LSAMP: variants seen among roughly 807,000 people sequenced by gnomAD.
LSAMP encodes the protein limbic system-associated membrane protein.
Under a neutral mutation model 38.6 loss-of-function variants are expected in LSAMP, and 7 were observed. The observed-to-expected ratio is 0.18, with a 90% CI of 0.10 to 0.34. LSAMP has a LOEUF of 0.34. Among genes scored for constraint, LSAMP ranks in the 10% least tolerant of loss-of-function variants. The pLI, the probability that LSAMP is intolerant of heterozygous loss-of-function variation, is 1.00. For synonymous variants in LSAMP, 154 were observed against 166.8 expected (o/e 0.92, Z 0.59); for missense variants, 313 against 420.0 (o/e 0.75, Z 2.23).
intron 1 of LSAMP, among the ~76,000 whole-genome samples, chr3:116,302,397 T>C (rs1456285440): frequency 6.6e-6 from 1 of 152,188 alleles, no homozygotes; most frequent in Non-Finnish European, 1.5e-5. Flanking sequence ...CATAAATTGT[T>C]GTTTTTCCAA....
intron 1 of LSAMP, among the ~76,000 whole-genome samples, chr3:116,391,080 T>G (rs2048687879): frequency 6.6e-6 from 1 of 152,232 alleles, no homozygotes; most frequent in Non-Finnish European, 1.5e-5. Flanking sequence ...AGCAGGATTT[T>G]GCATCATATT....
At chr3:115,827,051 C>A (rs1024641245) in intron 6 of LSAMP, among the ~76,000 whole-genome samples, 1 of 147,392 alleles carries the variant, frequency 6.8e-6, no homozygotes, top group Admixed American at 6.9e-5. Flanking sequence ...AAAAATAAAA[C>A]AAATTTCCCA....
At chr3:116,257,136 T>C (rs1459286890) in intron 1 of LSAMP, among the ~76,000 whole-genome samples, 1 of 152,180 alleles carries the variant, frequency 6.6e-6, no homozygotes, top group East Asian at 1.9e-4. Context: ...AGGATGCCCT[T>C]CAGCCTTAGA....
Position 115,902,805 on chromosome 3 carries a change from C to G in LSAMP, c.515-50188G>C, listed in dbSNP as rs150586025. On this transcript the variant is annotated intron_variant, in intron 3 of 6. Coordinates refer to ENST00000490035, the MANE Select transcript of LSAMP (RefSeq NM_002338.5). ...AACCACAATGAGATACCACTTCACACCAGTCAGAATGGCTATCATTAAAAA... is the reference window on the plus strand; with the variant it reads ...AACCACAATGAGATACCACTTCACAGCAGTCAGAATGGCTATCATTAAAAA... 8.3e-3 allele frequency among the ~76,000 whole-genome samples: 1,270 copies of G among 152,210 alleles called. 8 individuals are homozygous for G. The highest frequency in any genetic ancestry group is 0.011 in the Admixed American group (175 of 15,278).
At chr3:116,262,702 G>A (rs931365691) in intron 1 of LSAMP, among the ~76,000 whole-genome samples, 4 of 152,176 alleles carry the variant, frequency 2.6e-5, no homozygotes, top group African/African-American at 9.7e-5. Flanking sequence ...TAAATTTCAG[G>A]TCATAAATCA....
intron 1 of LSAMP, among the ~76,000 whole-genome samples, chr3:116,125,396 T>C (rs1240862587): frequency 6.6e-6 from 1 of 151,748 alleles, no homozygotes; most frequent in Non-Finnish European, 1.5e-5. Context: ...TCATTGTTTT[T>C]TTTTTCAGTG....
chr3:116,192,572 A>G (rs1239706807), intron 1 of LSAMP, among the ~76,000 whole-genome samples: 1 of 152,200 alleles, frequency 6.6e-6, no homozygotes, highest in Non-Finnish European at 1.5e-5. Flanking sequence ...ATGAGATTAG[A>G]GAGAATAAGT....
intron 2 of LSAMP, chr3:116,051,191 G>A (rs1473516780): frequency 6.6e-6 from 1 of 152,182 alleles, no homozygotes; most frequent in Admixed American, 6.5e-5. Context: ...ATCAAGGCCG[G>A]CCCAGGAGCA....
chr3:116,089,072 G>A (rs919016130), intron 1 of LSAMP, among the ~76,000 whole-genome samples: 1 of 152,120 alleles, frequency 6.6e-6, no homozygotes, highest in African/African-American at 2.4e-5. Context: ...TGACATTTTA[G>A]CAAATTTCAT....
chr3:116,037,487 A>G (rs1005890090), intron 2 of LSAMP, among the ~76,000 whole-genome samples: 2 of 152,146 alleles, frequency 1.3e-5, no homozygotes, highest in Non-Finnish European at 2.9e-5. Flanking sequence ...CCTTCATGCT[A>G]CAAAATCTCT....
chr3:116,341,459 C>T lies in LSAMP; in HGVS notation c.155+103418G>A, dbSNP rs754968773. Among the ~76,000 whole-genome samples, 146 of 151,896 alleles carry T rather than the reference C, an allele frequency of 9.6e-4. 1 individual carries two copies. Among genetic ancestry groups the T allele is most frequent in the Non-Finnish European group, 1.7e-3 (114 of 67,912 alleles). The stretch of plus-strand genomic sequence containing the variant: ...GATAAGTGAAGATGTATGGCAGGCA[C>T]CTTTGAGGCTCCTCAGATGTCATAT... On this transcript the variant is annotated intron_variant, in intron 1 of 6. Transcript: ENST00000490035.
At chr3:116,169,493 A>G (rs1009441158) in intron 1 of LSAMP, among the ~76,000 whole-genome samples, 5 of 152,134 alleles carry the variant, frequency 3.3e-5, no homozygotes, top group African/African-American at 1.2e-4. Flanking sequence ...TCCCATTCAC[A>G]TTCTTCTTCC....
chr3:115,972,111 T>C (rs1168098905), intron 3 of LSAMP, among the ~76,000 whole-genome samples: 1 of 152,084 alleles, frequency 6.6e-6, no homozygotes, highest in Non-Finnish European at 1.5e-5. Context: ...AGACATCTCC[T>C]TCCATGAACA....
rs766934724 is a variant in LSAMP at position 116,009,616 on chromosome 3, G to A, written c.514+9899C>T. ...GATCAGCCAAATTTGTAAATCCAGC[G>A]GCCATCTAATATTGGCCACAAAAGT... On this transcript the variant is annotated intron_variant, in intron 3 of 6. Coordinates refer to ENST00000490035, the MANE Select transcript of LSAMP (RefSeq NM_002338.5). Among the ~76,000 whole-genome samples, 4 of 152,088 alleles carry A rather than the reference G, an allele frequency of 2.6e-5. No homozygotes were observed. The South Asian group carries it at 6.2e-4, about 24-fold the overall frequency.
intron 1 of LSAMP, among the ~76,000 whole-genome samples, chr3:116,302,859 T>A (rs1412087531): frequency 6.6e-6 from 1 of 152,192 alleles, no homozygotes; most frequent in Non-Finnish European, 1.5e-5. Context: ...GATCTCCCAA[T>A]GATTCCATTA....
chr3:116,234,928 T>C (rs2046446834), intron 1 of LSAMP, among the ~76,000 whole-genome samples: 4 of 152,170 alleles, frequency 2.6e-5, no homozygotes, highest in Admixed American at 2.6e-4. Flanking sequence ...TGATAGCTCA[T>C]ATAAAGATAC....
chr3:115,978,439 A>C (rs1452963720), intron 3 of LSAMP, among the ~76,000 whole-genome samples: 2 of 152,102 alleles, frequency 1.3e-5, no homozygotes, highest in East Asian at 3.9e-4. Context: ...ATTCTAATCC[A>C]GTACTCTTCC....
chr3:115,814,398 G>T (rs1469982330), intron 6 of LSAMP, among the ~76,000 whole-genome samples: 3 of 152,126 alleles, frequency 2.0e-5, no homozygotes, highest in Non-Finnish European at 4.4e-5. Flanking sequence ...GAAACTGAGG[G>T]ATATGAGAAT....
chr3:115,818,256 C>T (rs1308312349), intron 6 of LSAMP, among the ~76,000 whole-genome samples: 1 of 152,166 alleles, frequency 6.6e-6, no homozygotes, highest in Non-Finnish European at 1.5e-5. Context: ...CTCTTTCTTG[C>T]ATCAAGCCTC....
Sources: allele counts gnomAD v4.1 joint callset (sites outside exome capture counted in the v4.1 genomes callset), GRCh38; gene constraint gnomAD v4.1.1; transcripts MANE v1.5; gene names NCBI Gene and HGNC (gene_info 2026-07-23, HGNC 2026-07-21).